OR2L13: variants seen among roughly 807,000 people sequenced by gnomAD.
OR2L13 encodes olfactory receptor family 2 subfamily L member 13.
OR2L13 carries 14 observed loss-of-function variants against 15.3 expected under a neutral mutation model. That is an observed-to-expected ratio of 0.91 (90% CI 0.60 to 1.43). The LOEUF (loss-of-function observed/expected upper bound fraction) is 1.43. OR2L13 is among the 40% of genes most tolerant of loss of function. The pLI, the probability that OR2L13 is intolerant of heterozygous loss-of-function variation, is 0.00. For synonymous variants in OR2L13, 152 were observed against 142.9 expected (o/e 1.06, Z -0.45); for missense variants, 367 against 387.9 (o/e 0.95, Z 0.45).
At chr1:248,043,777 A>G in the OR2L13 span, among the ~76,000 whole-genome samples, 15 of 152,178 alleles carry the variant, frequency 9.9e-5, no homozygotes, top group Non-Finnish European at 1.3e-4. Context: ...CGTTCCCGAA[A>G]GTAAGAGGAG....
the OR2L13 span, among the ~76,000 whole-genome samples, chr1:248,013,182 C>T: frequency 2.0e-5 from 3 of 151,956 alleles, no homozygotes; most frequent in African/African-American, 7.2e-5. Flanking sequence ...GTTCCATTTT[C>T]ATGTTCTAGA....
chr1:247,979,666 C>T, the OR2L13 span, among the ~76,000 whole-genome samples: 4 of 152,034 alleles, frequency 2.6e-5, no homozygotes, highest in South Asian at 6.2e-4. Flanking sequence ...GCTGCACCCA[C>T]TGTCCAGCCT....
chr1:247,987,254 G>T, the OR2L13 span, among the ~76,000 whole-genome samples: 2 of 152,090 alleles, frequency 1.3e-5, no homozygotes, highest in Non-Finnish European at 2.9e-5. Context: ...TTAATTATTT[G>T]TAACAGTTTT....
chr1:247,970,697 T>C, the OR2L13 span, among the ~76,000 whole-genome samples: 1 of 152,214 alleles, frequency 6.6e-6, no homozygotes, highest in Admixed American at 6.5e-5. Flanking sequence ...CATAAATTTC[T>C]AGGTGAGTCA....
chr1:248,038,404 T>C, the OR2L13 span: 1 of 1,613,794 alleles, frequency 6.2e-7, no homozygotes, highest in Non-Finnish European at 8.5e-7. Flanking sequence ...TCCATGATTC[T>C]TCTCATCTTT....
the OR2L13 span, among the ~76,000 whole-genome samples, chr1:248,027,273 G>A: frequency 2.6e-5 from 4 of 152,182 alleles, no homozygotes; most frequent in African/African-American, 7.2e-5. Flanking sequence ...CAGACCGGTT[G>A]TCTGCTCTCA....
chr1:248,067,859 G>T, the OR2L13 span, among the ~76,000 whole-genome samples: 1 of 151,952 alleles, frequency 6.6e-6, no homozygotes, highest in African/African-American at 2.4e-5. Flanking sequence ...CACCTGGCTC[G>T]GAGGGTCCCA....
chr1:247,966,920 A>C, the OR2L13 span, among the ~76,000 whole-genome samples: 1 of 152,194 alleles, frequency 6.6e-6, no homozygotes, highest in East Asian at 1.9e-4. Context: ...CAGCATCTGA[A>C]GGGAAAATCA....
At chr1:247,973,244 T>G in the OR2L13 span, among the ~76,000 whole-genome samples, 1 of 152,060 alleles carries the variant, frequency 6.6e-6, no homozygotes, top group Non-Finnish European at 1.5e-5. Flanking sequence ...CTCTCACCAC[T>G]CCTGGGCAAC....
the OR2L13 span, among the ~76,000 whole-genome samples, chr1:248,081,014 A>C: frequency 1.3e-5 from 2 of 152,178 alleles, no homozygotes; most frequent in Admixed American, 1.3e-4. Context: ...TTTAACTTAG[A>C]GATTCATGAG....
the OR2L13 span, among the ~76,000 whole-genome samples, chr1:247,957,989 G>A: frequency 6.6e-6 from 1 of 152,124 alleles, no homozygotes; most frequent in East Asian, 1.9e-4. Flanking sequence ...GCTAGCTTTT[G>A]AATGTGTTTG....
chr1:247,971,561 C>T, the OR2L13 span, among the ~76,000 whole-genome samples: 40 of 152,160 alleles, frequency 2.6e-4, 1 homozygote, highest in African/African-American at 9.4e-4. Flanking sequence ...GTTTAACCCT[C>T]ATCTAGATAA....
chr1:248,096,397 T>G (rs570484766), upstream of OR2L13, among the ~76,000 whole-genome samples: 1 of 145,194 alleles, frequency 6.9e-6, no homozygotes, highest in Non-Finnish European at 1.5e-5. Flanking sequence ...AAAAAAAAAA[T>G]GAAAACCAAG....
chr1:248,021,395 C>G, the OR2L13 span, among the ~76,000 whole-genome samples: 1 of 152,158 alleles, frequency 6.6e-6, no homozygotes, highest in Non-Finnish European at 1.5e-5. Context: ...GCTTACTATT[C>G]TATAAGTAGT....
the OR2L13 span, among the ~76,000 whole-genome samples, chr1:248,013,933 TC>T: frequency 6.6e-6 from 1 of 152,132 alleles, no homozygotes; most frequent in African/African-American, 2.4e-5. Context: ...TGCCGCTAAT[TC>T]ATAAATGTGT....
upstream of OR2L13, among the ~76,000 whole-genome samples, chr1:248,094,755 T>C (rs1045316240): frequency 6.6e-6 from 1 of 152,150 alleles, no homozygotes; most frequent in African/African-American, 2.4e-5. Flanking sequence ...CATCAATCAT[T>C]CCCCCTGGAA....
At chr1:248,006,925 T>C in the OR2L13 span, among the ~76,000 whole-genome samples, 4 of 152,196 alleles carry the variant, frequency 2.6e-5, no homozygotes, top group Non-Finnish European at 5.9e-5. Context: ...TTCTCTTGTT[T>C]ATAGGTTACC....
the OR2L13 span, among the ~76,000 whole-genome samples, chr1:248,042,553 C>T: frequency 6.6e-6 from 1 of 151,292 alleles, no homozygotes; most frequent in Non-Finnish European, 1.5e-5. Context: ...AAACAAAAAA[C>T]AAAAACAAAC....
chr1:247,991,831 T>A, the OR2L13 span, among the ~76,000 whole-genome samples: 1 of 149,706 alleles, frequency 6.7e-6, no homozygotes, highest in African/African-American at 2.5e-5. Flanking sequence ...TTCATAAAAG[T>A]TATCCGCTTA....
Sources: allele counts gnomAD v4.1 joint callset (sites outside exome capture counted in the v4.1 genomes callset), GRCh38; gene constraint gnomAD v4.1.1; transcripts MANE v1.5; gene names NCBI Gene and HGNC (gene_info 2026-07-23, HGNC 2026-07-21).